NXPH1: variants seen among roughly 807,000 people sequenced by gnomAD.
The protein encoded by NXPH1 is neurexophilin-1.
Under a neutral mutation model 23.7 loss-of-function variants are expected in NXPH1, and 5 were observed. The observed-to-expected ratio is 0.21, with a 90% CI of 0.11 to 0.44. The LOEUF is 0.44. Ranked by LOEUF, NXPH1 falls within the 20% of genes least tolerant of loss-of-function variation. The pLI, the probability that NXPH1 is intolerant of heterozygous loss-of-function variation, is 0.99. For missense variants in NXPH1, 324 were observed against 321.6 expected, an observed-to-expected ratio of 1.01 and a Z score of -0.06; for synonymous variants, 144 against 122.2, an observed-to-expected ratio of 1.18 and a Z score of -1.18.
chr7:8,465,070 G>T (rs118145731), intron 2 of NXPH1, among the ~76,000 whole-genome samples: 1 of 152,166 alleles, frequency 6.6e-6, no homozygotes, highest in East Asian at 1.9e-4. Context: ...CAGGACTTGG[G>T]AAGGAGAACA....
chr7:8,499,787 C>T (rs1265999223), intron 2 of NXPH1, among the ~76,000 whole-genome samples: 1 of 152,064 alleles, frequency 6.6e-6, no homozygotes, highest in East Asian at 1.9e-4. Flanking sequence ...TTGCACACTT[C>T]TGAGCATTGG....
At chr7:8,665,784 A>AT (rs71017610) in intron 2 of NXPH1, among the ~76,000 whole-genome samples, 2 of 150,964 alleles carry the variant, frequency 1.3e-5, no homozygotes, top group Admixed American at 6.6e-5. Context: ...TATAAAAGGG[A>AT]TTTTTTTTTA....
At chr7:8,594,216 C>T (rs1342434661) in intron 2 of NXPH1, among the ~76,000 whole-genome samples, 1 of 152,006 alleles carries the variant, frequency 6.6e-6, no homozygotes, top group Non-Finnish European at 1.5e-5. Flanking sequence ...CGCATACAAG[C>T]TACAGTAGTT....
In NXPH1 at chr7:8,730,215, A is replaced by G. The variant is rs1211374874; in HGVS notation, c.55-20793A>G. 5.7e-4 allele frequency among the ~76,000 whole-genome samples: 84 copies of G among 148,668 alleles called. No individual in the cohort carries two copies. The South Asian group carries it at 6.6e-3, about 12-fold the overall frequency. On this transcript the variant is annotated intron_variant, in intron 2 of 2. Coordinates refer to ENST00000405863, the MANE Select transcript of NXPH1 (RefSeq NM_152745.3). ...TTGGTAGATCTGCCTCCATCCTTTT[A>G]TTTTGAGCCTATGTGTGTCTCTGCA...
intron 2 of NXPH1, among the ~76,000 whole-genome samples, chr7:8,440,274 G>A (rs188850982): frequency 7.8e-4 from 119 of 152,366 alleles, no homozygotes; most frequent in African/African-American, 2.7e-3. Context: ...GCCCAAGTGT[G>A]TGGGAAGCAC....
chr7:8,493,456 AC>A (rs1307339235), intron 2 of NXPH1, among the ~76,000 whole-genome samples: 1 of 151,984 alleles, frequency 6.6e-6, no homozygotes, highest in Non-Finnish European at 1.5e-5. Context: ...AGAATCTCAT[AC>A]TTTGCTGGAA....
chr7:8,574,652 A>C (rs1320574282), intron 2 of NXPH1, among the ~76,000 whole-genome samples: 1 of 152,146 alleles, frequency 6.6e-6, no homozygotes, highest in African/African-American at 2.4e-5. Context: ...GGGACAATGA[A>C]AGCTTCCAAA....
chr7:8,744,166 G>T (rs1256808831), intron 2 of NXPH1, among the ~76,000 whole-genome samples: 3 of 152,080 alleles, frequency 2.0e-5, no homozygotes, highest in Non-Finnish European at 2.9e-5. Flanking sequence ...AGTCTCAAAA[G>T]AATCATATAT....
chr7:8,564,424 A>T (rs1046987812), intron 2 of NXPH1, among the ~76,000 whole-genome samples: 7 of 151,768 alleles, frequency 4.6e-5, no homozygotes, highest in Non-Finnish European at 1.0e-4. Flanking sequence ...GACATTGCTC[A>T]TGGCTCTTCC....
intron 2 of NXPH1, among the ~76,000 whole-genome samples, chr7:8,705,448 G>A (rs975783819): frequency 6.6e-6 from 1 of 152,158 alleles, no homozygotes; most frequent in Non-Finnish European, 1.5e-5. Context: ...AAGTAGTACT[G>A]CAACCCTAGA....
intron 2 of NXPH1, among the ~76,000 whole-genome samples, chr7:8,697,743 A>G (rs959158353): frequency 6.6e-6 from 1 of 152,218 alleles, no homozygotes; most frequent in Admixed American, 6.5e-5. Flanking sequence ...GGTAGGATAC[A>G]GAAGCCAGAG....
chr7:8,537,245 A>C (rs7810014), intron 2 of NXPH1, among the ~76,000 whole-genome samples: 34,829 of 151,656 alleles, frequency 0.23, 4,113 homozygotes, highest in East Asian at 0.29. Flanking sequence ...CTCTCCCCCT[A>C]TTCACTTTAT....
intron 2 of NXPH1, among the ~76,000 whole-genome samples, chr7:8,506,321 G>T (rs1468770497): frequency 1.3e-5 from 2 of 152,062 alleles, no homozygotes; most frequent in Admixed American, 1.3e-4. Flanking sequence ...ATCATCCAGT[G>T]TCCTGAGACC....
chr7:8,599,807 A>ATTTTTTT (rs57462739), intron 2 of NXPH1, among the ~76,000 whole-genome samples: 15 of 145,208 alleles, frequency 1.0e-4, no homozygotes, highest in African/African-American at 3.6e-4. Flanking sequence ...AGATAGGAAG[A>ATTTTTTT]TTTTTTTTTT....
chr7:8,628,803 CG>C (rs1269324653), intron 2 of NXPH1, among the ~76,000 whole-genome samples: 1 of 151,738 alleles, frequency 6.6e-6, no homozygotes, highest in Admixed American at 6.6e-5. Context: ...AGAGATTTGA[CG>C]CGTATGTTTG....
chr7:8,625,858 C>T (rs1022150646), intron 2 of NXPH1, among the ~76,000 whole-genome samples: 1 of 152,192 alleles, frequency 6.6e-6, no homozygotes, highest in African/African-American at 2.4e-5. Flanking sequence ...ATTAACCCCA[C>T]AGCCTTCCAT....
intron 2 of NXPH1, among the ~76,000 whole-genome samples, chr7:8,543,335 C>T (rs1209328184): frequency 6.6e-6 from 1 of 151,656 alleles, no homozygotes. Context: ...GACTTCTCCT[C>T]TATTATTCTG....
chr7:8,501,838 C>T (rs1265337500), intron 2 of NXPH1, among the ~76,000 whole-genome samples: 2 of 152,052 alleles, frequency 1.3e-5, no homozygotes, highest in African/African-American at 4.8e-5. Context: ...ACAGTCTTAC[C>T]CAAGAGTCGT....
Position 8,721,339 on chromosome 7 carries a change from G to A in NXPH1, c.55-29669G>A, listed in dbSNP as rs575259214. Among the ~76,000 whole-genome samples, 12 of 152,076 alleles carry A rather than the reference G, an allele frequency of 7.9e-5. No individual in the cohort carries two copies. In the South Asian group the frequency reaches 2.1e-3, roughly 26 times the overall value. The stretch of plus-strand genomic sequence containing the variant: ...GGTGAATCTCGGTAAATGGCATATG[G>A]AAGTTTCTTGTAACTTTTTGTAAAT... On this transcript the variant is annotated intron_variant, in intron 2 of 2. Coordinates refer to ENST00000405863, the MANE Select transcript of NXPH1 (RefSeq NM_152745.3).
Sources: gnomAD v4.1 joint callset for allele counts (sites outside exome capture counted in the v4.1 genomes callset) on GRCh38, gnomAD v4.1.1 for gene constraint, MANE v1.5 for transcripts, NCBI Gene and HGNC (gene_info 2026-07-23, HGNC 2026-07-21) for gene names.